GPC3: variants seen among roughly 807,000 people sequenced by gnomAD.
GPC3 encodes glypican-3.
Under a neutral mutation model 34.4 loss-of-function variants are expected in GPC3, and 3 were observed. The observed-to-expected ratio is 0.09, with a 90% confidence interval of 0.04 to 0.23. The LOEUF (loss-of-function observed/expected upper bound fraction) is 0.23, where lower values mean the gene tolerates loss of function less well. GPC3 is among the 10% of genes least tolerant of loss of function. The pLI, the probability that GPC3 is intolerant of heterozygous loss-of-function variation, is 1.00. For missense variants in GPC3, 351 were observed against 445.6 expected (o/e 0.79, Z 1.91); for synonymous variants, 177 against 174.0 (o/e 1.02, Z -0.13).
intron 2 of GPC3, among the ~76,000 whole-genome samples, chrX:133,939,573 T>G (rs914408790): frequency 9.0e-6 from 1 of 111,659 alleles, no homozygotes; most frequent in African/African-American, 3.2e-5. Flanking sequence ...TGGGAGTAAT[T>G]TCACCATACA....
chrX:133,975,034 C>A (rs766517868), intron 1 of GPC3, among the ~76,000 whole-genome samples: 1 of 111,373 alleles, frequency 9.0e-6, no homozygotes, highest in Non-Finnish European at 1.9e-5. Flanking sequence ...AGCACCACCA[C>A]CCAGAAAAAC....
chrX:133,872,916 G>A (rs764291223), intron 2 of GPC3, among the ~76,000 whole-genome samples: 1 of 112,378 alleles, frequency 8.9e-6, no homozygotes, highest in Non-Finnish European at 1.9e-5. Flanking sequence ...TCTTCTGAAT[G>A]ATGGCTGCCT....
intron 2 of GPC3, among the ~76,000 whole-genome samples, chrX:133,884,701 C>T (rs1166418737): frequency 9.0e-6 from 1 of 111,383 alleles, no homozygotes; most frequent in Non-Finnish European, 1.9e-5. Context: ...CAGAATTTTC[C>T]TGAATGAAAA....
At position 133,878,410 on chromosome X, in the gene GPC3, A is replaced by G. The variant is rs779577041; in HGVS notation, c.337+74640T>C. Among the ~76,000 whole-genome samples, 46 of 111,036 alleles carry G rather than the reference A, an allele frequency of 4.1e-4. 1 individual carries two copies. Among genetic ancestry groups the G allele is most frequent in the Non-Finnish European group, 5.5e-4 (29 of 52,918 alleles). On this transcript the variant is annotated intron_variant, in intron 2 of 7. Transcript: ENST00000370818. Reference sequence around the variant, plus strand: ...CCATTGCACTCCAGCCTGGGCGACAAGAGTGAGACTCTGTCTCAAAAAAAA... The same window carrying G: ...CCATTGCACTCCAGCCTGGGCGACAGGAGTGAGACTCTGTCTCAAAAAAAA...
At chrX:133,708,123 G>A (rs1196841590) in intron 3 of GPC3, among the ~76,000 whole-genome samples, 1 of 111,934 alleles carries the variant, frequency 8.9e-6, no homozygotes, top group Non-Finnish European at 1.9e-5. Flanking sequence ...TGGTTTACCA[G>A]TACTTTTTTC....
At chrX:133,680,573 C>A (rs187073409) in intron 5 of GPC3, among the ~76,000 whole-genome samples, 1 of 111,721 alleles carries the variant, frequency 9.0e-6, no homozygotes, top group Non-Finnish European at 1.9e-5. Flanking sequence ...TGAGACAAAC[C>A]CATGGATCAA....
intron 7 of GPC3, among the ~76,000 whole-genome samples, chrX:133,543,892 C>A (rs765025671): frequency 2.7e-5 from 3 of 111,919 alleles, no homozygotes; most frequent in African/African-American, 9.8e-5. Context: ...ATTCACTCAC[C>A]CTTCTCTGAC....
intron 6 of GPC3, among the ~76,000 whole-genome samples, chrX:133,646,511 C>T (rs2070546668): frequency 8.9e-6 from 1 of 111,742 alleles, no homozygotes. Context: ...TTCCCAATAT[C>T]TAGCTATCTA....
At chrX:133,970,589 T>C (rs2076487199) in intron 1 of GPC3, among the ~76,000 whole-genome samples, 1 of 110,066 alleles carries the variant, frequency 9.1e-6, no homozygotes, top group African/African-American at 3.3e-5. Flanking sequence ...GTGCTACTAT[T>C]TTGGTAGTCA....
intron 7 of GPC3, among the ~76,000 whole-genome samples, chrX:133,569,684 A>T (rs1193810876): frequency 1.8e-5 from 2 of 112,096 alleles, no homozygotes; most frequent in Non-Finnish European, 3.8e-5. Context: ...TGCTGGATGG[A>T]CGTTGGTATC....
chrX:133,785,490 T>C (rs746331519), intron 2 of GPC3, among the ~76,000 whole-genome samples: 7 of 111,756 alleles, frequency 6.3e-5, no homozygotes, highest in Non-Finnish European at 1.3e-4. Flanking sequence ...GATAAGTAGG[T>C]AGATAGCTAG....
intron 2 of GPC3, among the ~76,000 whole-genome samples, chrX:133,881,429 C>T (rs1163745150): frequency 1.8e-5 from 2 of 112,413 alleles, no homozygotes; most frequent in Non-Finnish European, 1.9e-5. Flanking sequence ...AAAATTAATA[C>T]ATGTGGCGTT....
In GPC3 at chrX:133,610,703, G is replaced by A. The variant is rs149120999; in HGVS notation, c.1414-14104C>T. On this transcript the variant is annotated intron_variant, in intron 6 of 7. Coordinates refer to ENST00000370818, the MANE Select transcript of GPC3 (RefSeq NM_004484.4). ...TGAATGCCCTAGCTAGATGCAACAG[G>A]AGAGGGGATGGCTGGGAAATGGGGC... 9.0e-3 allele frequency among the ~76,000 whole-genome samples: 926 copies of A among 103,309 alleles called. 13 individuals carry two copies. The highest frequency in any genetic ancestry group is 0.031 in the African/African-American group (870 of 28,045). The allele number at this position is 103,309 out of a possible 115,157, so 89.7% of individuals were successfully genotyped here.
chrX:133,593,728 G>A (rs2069878930), intron 7 of GPC3, among the ~76,000 whole-genome samples: 1 of 111,314 alleles, frequency 9.0e-6, no homozygotes, highest in South Asian at 3.8e-4. Flanking sequence ...TCCTGCCTGA[G>A]CCTAGAAGCC....
chrX:133,886,436 T>C (rs763092326), intron 2 of GPC3, among the ~76,000 whole-genome samples: 11 of 111,707 alleles, frequency 9.8e-5, no homozygotes, highest in Non-Finnish European at 1.7e-4. Context: ...ATTCATTAGA[T>C]ATTGACAAAT....
At chrX:133,978,975 G>C (rs1030094193) in intron 1 of GPC3, among the ~76,000 whole-genome samples, 1 of 112,215 alleles carries the variant, frequency 8.9e-6, no homozygotes, top group African/African-American at 3.2e-5. Flanking sequence ...CCTTCTCCTG[G>C]ATTTATAAGG....
intron 7 of GPC3, among the ~76,000 whole-genome samples, chrX:133,546,732 TGTAAACAACCACTATG>T (rs757293715): frequency 1.8e-5 from 2 of 112,183 alleles, no homozygotes; most frequent in South Asian, 7.4e-4. Flanking sequence ...TTGGTAGAGA[TGTAAACAACCACTATG>T]GAGAACAGTT....
chrX:133,884,740 C>T lies in GPC3; in HGVS notation c.337+68310G>A, dbSNP rs948769678. On this transcript the variant is annotated intron_variant, in intron 2 of 7. Coordinates refer to ENST00000370818, the MANE Select transcript of GPC3 (RefSeq NM_004484.4). ...TGTTATTTGTATTTAAACATACAAA[C>T]GTCAAAGCTAGCATCTGGCATTCAC... Among the ~76,000 whole-genome samples the T allele has an allele frequency of 8.1e-5, 9 of 111,635 alleles. 1 individual carries two copies. The highest frequency in any genetic ancestry group is 2.3e-4 in the African/African-American group (7 of 30,722).
chrX:133,753,461 C>A (rs375457336), intron 3 of GPC3, 21 bp downstream of exon 3: 1 of 1,166,235 alleles, frequency 8.6e-7, no homozygotes, highest in Non-Finnish European at 1.2e-6. Context: ...AATCCTCTGA[C>A]AACTGTAGAC....
Sources: gnomAD v4.1 joint callset for allele counts (sites outside exome capture counted in the v4.1 genomes callset) on GRCh38, gnomAD v4.1.1 for gene constraint, MANE v1.5 for transcripts, NCBI Gene and HGNC (gene_info 2026-07-23, HGNC 2026-07-21) for gene names.